SPTLC2: variants seen among roughly 807,000 people sequenced by gnomAD.
SPTLC2 encodes serine palmitoyltransferase 2.
A neutral mutation model predicts 62.0 loss-of-function variants in SPTLC2; 21 were observed. That is an observed-to-expected ratio of 0.34 (90% confidence interval 0.24 to 0.49). SPTLC2 has a LOEUF of 0.49. Ranked by LOEUF, SPTLC2 falls within the 20% of genes least tolerant of loss-of-function variation. The pLI is 0.99. For missense variants in SPTLC2, 511 were observed against 713.0 expected (o/e 0.72, Z 3.23); for synonymous variants, 261 against 261.8 (o/e 1.00, Z 0.03).
chr14:77,555,116 C>T (rs1214554343), intron 8 of SPTLC2, among the ~76,000 whole-genome samples, 184 bp downstream of exon 8: 3 of 152,280 alleles, frequency 2.0e-5, no homozygotes, highest in South Asian at 2.1e-4. Flanking sequence ...AAACAACAAA[C>T]AATGAACAGA....
chr14:77,552,278 G>A (rs1287611048), intron 8 of SPTLC2, 56 bp from the exon 9 acceptor site: 2 of 1,602,068 alleles, frequency 1.2e-6, no homozygotes, highest in African/African-American at 2.7e-5. Flanking sequence ...CACCGGCAAT[G>A]TCAGTCCTTT....
At chr14:77,596,506 A>AAAAT (rs1555377969) in intron 2 of SPTLC2, among the ~76,000 whole-genome samples, 109 of 136,946 alleles carry the variant, frequency 8.0e-4, no homozygotes, top group African/African-American at 2.3e-3. Flanking sequence ...TCTGTCTCAA[A>AAAAT]AAATAAACAA....
At position 77,521,601 on chromosome 14, in the gene SPTLC2, G is replaced by A. The variant is rs1366151966; in HGVS notation, c.1304-20C>T. On this transcript the variant is annotated intron_variant, in intron 9 of 11. Coordinates refer to ENST00000216484, the MANE Select transcript of SPTLC2 (RefSeq NM_004863.4). ...CTTTACCTGGAAAGTCACGGTGAGA[G>A]AAAACAAAATAATCCTAAGTAAAAA... 3 of 1,611,488 alleles carry A rather than the reference G, an allele frequency of 1.9e-6. No individual in the cohort carries two copies. Among genetic ancestry groups the A allele is most frequent in the South Asian group, 1.1e-5 (1 of 91,026 alleles).
At chr14:77,547,119 C>T (rs2079532639) in intron 9 of SPTLC2, among the ~76,000 whole-genome samples, 1 of 152,134 alleles carries the variant, frequency 6.6e-6, no homozygotes, top group East Asian at 1.9e-4. Flanking sequence ...CCTGCCTCGG[C>T]CTCCCAAAGT....
At chr14:77,556,137 A>C (rs1386395293) in intron 7 of SPTLC2, among the ~76,000 whole-genome samples, 1 of 152,028 alleles carries the variant, frequency 6.6e-6, no homozygotes, top group East Asian at 1.9e-4. Context: ...AGCCCGGCCA[A>C]CACAGTGAAA....
At chr14:77,521,953 T>C (rs1443727860) in intron 9 of SPTLC2, among the ~76,000 whole-genome samples, 1 of 152,168 alleles carries the variant, frequency 6.6e-6, no homozygotes, top group African/African-American at 2.4e-5. Flanking sequence ...GGTAGTGACA[T>C]GCCTACAGTT....
chr14:77,547,107 C>T (rs571670602), intron 9 of SPTLC2, among the ~76,000 whole-genome samples: 6 of 152,220 alleles, frequency 3.9e-5, no homozygotes, highest in East Asian at 3.9e-4. Context: ...TCAGGTGATC[C>T]GCCTGCCTCG....
chr14:77,538,452 A>C (rs1339639782), intron 9 of SPTLC2, among the ~76,000 whole-genome samples: 1 of 152,258 alleles, frequency 6.6e-6, no homozygotes, highest in African/African-American at 2.4e-5. Flanking sequence ...TTGAAATAAT[A>C]AGACAGTCAT....
chr14:77,611,296 CTG>C (rs1046326945), intron 1 of SPTLC2, among the ~76,000 whole-genome samples: 2 of 150,588 alleles, frequency 1.3e-5, no homozygotes, highest in Non-Finnish European at 3.0e-5. Context: ...GAGCAAGACT[CTG>C]TCTCAAAAAA....
Position 77,509,158 on chromosome 14 carries a change from T to C in SPTLC2, c.*3126A>G, listed in dbSNP as rs2079320002. On this transcript the variant is annotated 3_prime_UTR_variant, in exon 12 of 12. Coordinates refer to ENST00000216484, the MANE Select transcript of SPTLC2 (RefSeq NM_004863.4). ...TACGATAGTGACTAAAGCACTACGA[T>C]GGCTGGATTCTTCAAACAAATAAGC... is the stretch of plus-strand genomic sequence containing the variant. The C allele has an allele frequency of 6.6e-6, 1 of 152,186 alleles. No homozygotes were observed. Among genetic ancestry groups the C allele is most frequent in the Admixed American group, 6.5e-5 (1 of 15,268 alleles). The allele number at this position is 152,186 out of a possible 1,614,324, so 9.4% of individuals were successfully genotyped here. A position where few individuals can be genotyped will look rare whatever the true frequency, so the allele number is the denominator to read the frequency against.
At chr14:77,578,892 A>G in intron 3 of SPTLC2, 63 bp downstream of exon 3, 1 of 1,566,166 alleles carries the variant, frequency 6.4e-7, no homozygotes, top group Non-Finnish European at 8.8e-7. Flanking sequence ...ATAATAACAT[A>G]TTTTCTCAAA....
chr14:77,570,248 A>AATTTG, intron 5 of SPTLC2, 136 bp downstream of exon 5: 2 of 1,219,290 alleles, frequency 1.6e-6, no homozygotes, highest in South Asian at 2.7e-5. Flanking sequence ...AAAGAAAAAC[A>AATTTG]ATTTGTGGTA....
At chr14:77,515,007 T>C (rs964671546) in intron 11 of SPTLC2, among the ~76,000 whole-genome samples, 2 of 152,262 alleles carry the variant, frequency 1.3e-5, no homozygotes, top group Non-Finnish European at 2.9e-5. Context: ...TAGTACTGTT[T>C]GTTGAAGAGA....
intron 2 of SPTLC2, among the ~76,000 whole-genome samples, chr14:77,579,829 TC>T (rs1408494496): frequency 2.0e-5 from 3 of 152,204 alleles, no homozygotes; most frequent in African/African-American, 7.2e-5. Flanking sequence ...CAGATAAAAG[TC>T]ACTTAACTTT....
intron 7 of SPTLC2, among the ~76,000 whole-genome samples, chr14:77,556,354 C>A (rs112123007): frequency 0.028 from 4,315 of 151,814 alleles, 217 homozygotes; most frequent in African/African-American, 0.099. Flanking sequence ...AAAAAACAAG[C>A]ACCAAACACA....
rs1351629310 is a variant in SPTLC2 at position 77,508,045 on chromosome 14, T to C, written c.*4239A>G. On this transcript the variant is annotated 3_prime_UTR_variant, in exon 12 of 12. Coordinates refer to ENST00000216484, the MANE Select transcript of SPTLC2 (RefSeq NM_004863.4). ...CTAACAATTTTTTTTCCCCCTCTTA[T>C]TGAGCCAGGGTCTCACTCTGTCACC... The C allele has an allele frequency of 6.6e-6, 1 of 152,198 alleles. No homozygotes were observed. Among genetic ancestry groups the C allele is most frequent in the African/African-American group, 2.4e-5 (1 of 41,430 alleles). 9.4% of individuals were successfully genotyped at this position (152,198 alleles called of 1,614,324 possible).
intron 9 of SPTLC2, among the ~76,000 whole-genome samples, chr14:77,537,302 T>C (rs2079476518): frequency 6.9e-6 from 1 of 145,490 alleles, no homozygotes; most frequent in Non-Finnish European, 1.5e-5. Flanking sequence ...AAAAAAAAAG[T>C]TATGGAAAGA....
At chr14:77,562,655 G>GT (rs1334751276) in intron 5 of SPTLC2, among the ~76,000 whole-genome samples, 166 bp from the exon 6 acceptor site, 1 of 152,176 alleles carries the variant, frequency 6.6e-6, no homozygotes, top group South Asian at 2.1e-4. Flanking sequence ...ACGATCATTT[G>GT]TTTTTTGTAA....
At chr14:77,576,633 A>G (rs2079717309) in intron 4 of SPTLC2, 134 bp downstream of exon 4, 6 of 1,270,202 alleles carry the variant, frequency 4.7e-6, no homozygotes, top group Non-Finnish European at 6.7e-6. Flanking sequence ...TCAGAAAAAC[A>G]AAGCATTCTT....
Sources: gnomAD v4.1 joint callset for allele counts (sites outside exome capture counted in the v4.1 genomes callset) on GRCh38, gnomAD v4.1.1 for gene constraint, MANE v1.5 for transcripts, NCBI Gene and HGNC (gene_info 2026-07-23, HGNC 2026-07-21) for gene names.